Variants in NEK6 observed in about 807,000 individuals in gnomAD.
The protein encoded by NEK6 is serine/threonine-protein kinase Nek6.
NEK6 carries 27 observed loss-of-function variants against 43.5 expected under a neutral mutation model. The ratio of observed to expected loss-of-function variants is 0.62; its 90% CI spans 0.46 to 0.86. NEK6 has a LOEUF of 0.86. Among genes scored for constraint, NEK6 ranks in the 40% least tolerant of loss-of-function variants. The probability of loss-of-function intolerance (pLI) is 0.00; values close to 1 mark genes in which losing one functional copy is unlikely to be tolerated. For missense variants in NEK6, 318 were observed against 414.4 expected (o/e 0.77, Z 2.02); for synonymous variants, 167 against 164.1 (o/e 1.02, Z -0.14).
chr9:124,336,466 C>T (rs1829294210), intron 7 of NEK6, among the ~76,000 whole-genome samples: 1 of 151,998 alleles, frequency 6.6e-6, no homozygotes, highest in Non-Finnish European at 1.5e-5. Flanking sequence ...TGTGTTTTTC[C>T]CGAAATCTCC....
At chr9:124,303,490 T>G (rs1388072848) in intron 2 of NEK6, among the ~76,000 whole-genome samples, 1 of 152,212 alleles carries the variant, frequency 6.6e-6, no homozygotes, top group Non-Finnish European at 1.5e-5. Context: ...CAAGCCATGC[T>G]CCCTGGTGGA....
chr9:124,308,288 G>A (rs1278580020), intron 2 of NEK6, among the ~76,000 whole-genome samples: 1 of 152,174 alleles, frequency 6.6e-6, no homozygotes, highest in Non-Finnish European at 1.5e-5. Flanking sequence ...CTGGGGTGGG[G>A]TTGGGGGTGT....
intron 9 of NEK6, among the ~76,000 whole-genome samples, chr9:124,349,399 C>T (rs1398639170): frequency 6.6e-6 from 1 of 152,186 alleles, no homozygotes; most frequent in Non-Finnish European, 1.5e-5. Flanking sequence ...ATGGGAGTCG[C>T]CCTCTCTACT....
rs1031164724 is a variant in NEK6, at chr9:124,321,496, C to T, written c.332C>T (p.Ser111Leu). The T allele has an allele frequency of 2.5e-6, 4 of 1,613,834 alleles. No homozygotes were observed. Among genetic ancestry groups the T allele is most frequent in the Non-Finnish European group, 3.4e-6 (4 of 1,179,840 alleles). ...CCAAATATCATCAAGTATTTGGACT[C>T]GTTTATCGAAGACAACGAGCTGAAC... ...NHPNIIKYLD[S>L]FIEDNELNIV... Residue 111 changes from serine (S) to leucine (L), a missense_variant, in exon 5 of 10, where the codon TCG (serine) becomes TTG (leucine). By Grantham distance (145) the Ser-to-Leu change is moderately radical. Coordinates refer to ENST00000320246, the MANE Select transcript of NEK6 (RefSeq NM_014397.6).
intron 4 of NEK6, among the ~76,000 whole-genome samples, chr9:124,316,809 G>C (rs189191146): frequency 1.3e-5 from 2 of 152,336 alleles, no homozygotes; most frequent in East Asian, 3.9e-4. Flanking sequence ...GACGTGCAGG[G>C]AAATGGGGGA....
At chr9:124,266,590 C>T (rs1174730613) in intron 1 of NEK6, among the ~76,000 whole-genome samples, 3 of 152,202 alleles carry the variant, frequency 2.0e-5, no homozygotes, top group South Asian at 4.1e-4. Context: ...GTCTTGTCAT[C>T]GCATAGTTGT....
At chr9:124,336,291 G>C (rs1374857709) in intron 7 of NEK6, among the ~76,000 whole-genome samples, 2 of 152,130 alleles carry the variant, frequency 1.3e-5, no homozygotes, top group African/African-American at 2.4e-5. Flanking sequence ...AGTTCAAAAT[G>C]TTAAACTTGT....
At chr9:124,340,617 C>G (rs1015004438) in intron 8 of NEK6, among the ~76,000 whole-genome samples, 3 of 152,362 alleles carry the variant, frequency 2.0e-5, no homozygotes, top group Middle Eastern at 3.4e-3. Flanking sequence ...CTTGGTTTTA[C>G]AGTTGGAACC....
chr9:124,319,945 G>A (rs538381467), intron 4 of NEK6, among the ~76,000 whole-genome samples: 42 of 152,334 alleles, frequency 2.8e-4, no homozygotes, highest in African/African-American at 1.0e-3. Flanking sequence ...GTCACCCTGT[G>A]TAAATTACCT....
At chr9:124,313,207 T>G (rs1411861895) in intron 3 of NEK6, among the ~76,000 whole-genome samples, 3 of 152,042 alleles carry the variant, frequency 2.0e-5, no homozygotes. Flanking sequence ...CCCAAGCCCC[T>G]TGATTTGCTT....
At chr9:124,305,514 A>G (rs1234764800) in intron 2 of NEK6, among the ~76,000 whole-genome samples, 1 of 148,808 alleles carries the variant, frequency 6.7e-6, no homozygotes, top group East Asian at 2.0e-4. Context: ...AGATTGCACC[A>G]TTGCACTCCA....
chr9:124,334,428 A>G (rs1323915221), intron 7 of NEK6, among the ~76,000 whole-genome samples: 1 of 152,238 alleles, frequency 6.6e-6, no homozygotes, highest in African/African-American at 2.4e-5. Context: ...ACCAGTGGAA[A>G]TGGGGTAAGC....
At chr9:124,339,407 C>T (rs1255226093) in intron 7 of NEK6, among the ~76,000 whole-genome samples, 164 bp from the exon 8 acceptor site, 1 of 152,136 alleles carries the variant, frequency 6.6e-6, no homozygotes, top group East Asian at 1.9e-4. Context: ...TCCAACTGCT[C>T]ATCTGACAGA....
chr9:124,265,519 C>G (rs1831196455), intron 1 of NEK6: 1 of 150,878 alleles, frequency 6.6e-6, no homozygotes, highest in South Asian at 2.1e-4. Context: ...GAGACTCCGT[C>G]TCAAAAAAAA....
chr9:124,261,859 C>T (rs551349686), intron 1 of NEK6, among the ~76,000 whole-genome samples: 15 of 152,096 alleles, frequency 9.9e-5, no homozygotes, highest in South Asian at 4.1e-4. Flanking sequence ...AGATCTTGTG[C>T]GAAGGCTCAG....
In NEK6 at chr9:124,299,060, C is replaced by T. The variant is rs144305985; in HGVS notation, c.-29-2876C>T. On this transcript the variant is annotated intron_variant, in intron 1 of 9. Coordinates refer to ENST00000320246, the MANE Select transcript of NEK6 (RefSeq NM_014397.6). The stretch of plus-strand genomic sequence containing the variant: ...GGCAGGAATGACATTCCCAAGCACC[C>T]GCTAGGCTCCTCCCCAGTGGGATTT... Among the ~76,000 whole-genome samples the T allele has an allele frequency of 4.1e-3, 623 of 152,348 alleles. 1 individual carries two copies. Among genetic ancestry groups the T allele is most frequent in the Non-Finnish European group, 7.0e-3 (479 of 68,022 alleles).
intron 3 of NEK6, among the ~76,000 whole-genome samples, 172 bp from the exon 4 acceptor site, chr9:124,313,751 G>T (rs1028021267): frequency 6.6e-6 from 1 of 152,112 alleles, no homozygotes; most frequent in Non-Finnish European, 1.5e-5. Flanking sequence ...GACAGTGCTG[G>T]GGGGACCCAC....
chr9:124,343,945 G>A lies in NEK6; in HGVS notation c.718-3764G>A, dbSNP rs1490349463. Among the ~76,000 whole-genome samples the A allele has an allele frequency of 3.3e-5, 5 of 152,222 alleles. No individual in the cohort carries two copies. Among genetic ancestry groups the A allele is most frequent in the Non-Finnish European group, 7.3e-5 (5 of 68,040 alleles). ...TAAGTTTACTCTCTTAGATCTCGAG[G>A]ATTCTGGAGGCCAGATGTCCAAAAT... On this transcript the variant is annotated intron_variant, in intron 8 of 9. Coordinates refer to ENST00000320246, the MANE Select transcript of NEK6 (RefSeq NM_014397.6). The surrounding 1 kb of genome is among the most constrained non-coding windows in gnomAD (Gnocchi z 5.1).
chr9:124,319,395 C>T (rs1374134054), intron 4 of NEK6, among the ~76,000 whole-genome samples: 1 of 152,094 alleles, frequency 6.6e-6, no homozygotes, highest in Non-Finnish European at 1.5e-5. Flanking sequence ...TTCTCCCATT[C>T]TGTCAATTGT....
Sources: allele counts gnomAD v4.1 joint callset (sites outside exome capture counted in the v4.1 genomes callset), GRCh38; gene constraint gnomAD v4.1.1; non-coding constraint Gnocchi (gnomAD v3.1); transcripts MANE v1.5; gene names NCBI Gene and HGNC (gene_info 2026-07-23, HGNC 2026-07-21).